The following MYO16 variants were observed in gnomAD, a reference collection of about 807,000 sequenced individuals.
The protein encoded by MYO16 is myosin XVI.
In MYO16, 94 loss-of-function variants were observed where a neutral mutation model predicts 205.3. That is an observed-to-expected ratio of 0.46 (90% CI 0.39 to 0.54). The LOEUF (loss-of-function observed/expected upper bound fraction) is 0.54. MYO16 is among the 20% of genes least tolerant of loss of function. The pLI, the probability that MYO16 is intolerant of heterozygous loss-of-function variation, is 0.00. For missense variants in MYO16, 2,315 were observed against 2,387.5 expected, an observed-to-expected ratio of 0.97 and a Z score of 0.63; for synonymous variants, 988 against 954.0, an observed-to-expected ratio of 1.04 and a Z score of -0.66.
At chr13:108,983,395 A>T (rs190208524) in intron 20 of MYO16, among the ~76,000 whole-genome samples, 2 of 152,316 alleles carry the variant, frequency 1.3e-5, no homozygotes, top group African/African-American at 4.8e-5. Flanking sequence ...CGTGAAACAA[A>T]TTTTAAAATT....
At chr13:109,075,913 G>T (rs1361562499) in intron 27 of MYO16, among the ~76,000 whole-genome samples, 1 of 152,140 alleles carries the variant, frequency 6.6e-6, no homozygotes, top group Non-Finnish European at 1.5e-5. Flanking sequence ...CTGTTTGATA[G>T]AATTTATCAG....
intron 6 of MYO16, 64 bp downstream of exon 6, chr13:108,793,704 T>G: frequency 6.9e-7 from 1 of 1,458,880 alleles, no homozygotes; most frequent in Non-Finnish European, 9.3e-7. Flanking sequence ...CTATAAAACA[T>G]AGAATTCATT....
At chr13:108,778,137 A>G (rs1455194737) in intron 4 of MYO16, among the ~76,000 whole-genome samples, 2 of 152,254 alleles carry the variant, frequency 1.3e-5, no homozygotes, top group Admixed American at 1.3e-4. Flanking sequence ...CACTCTAGGC[A>G]TGAATCTAGC....
chr13:108,914,478 T>G (rs1232000505), intron 16 of MYO16, among the ~76,000 whole-genome samples: 1 of 152,110 alleles, frequency 6.6e-6, no homozygotes, highest in Non-Finnish European at 1.5e-5. Flanking sequence ...CTACAAAACT[T>G]ACAAGCCTTC....
chr13:108,538,571 G>T, the MYO16 span, among the ~76,000 whole-genome samples: 1 of 151,990 alleles, frequency 6.6e-6, no homozygotes, highest in East Asian at 1.9e-4. Context: ...GCTCTGAATG[G>T]AATGAAAGTC....
intron 12 of MYO16, among the ~76,000 whole-genome samples, chr13:108,877,759 C>T (rs993026641): frequency 6.6e-6 from 1 of 152,192 alleles, no homozygotes; most frequent in Admixed American, 6.5e-5. Context: ...ATTACATGCA[C>T]AGCTTATACA....
intron 4 of MYO16, among the ~76,000 whole-genome samples, chr13:108,753,387 A>C (rs1455811732): frequency 3.1e-5 from 4 of 130,910 alleles, no homozygotes; most frequent in Admixed American, 1.5e-4. Flanking sequence ...AAAAAAAAAA[A>C]AAAAAAAACA....
intron 1 of MYO16, among the ~76,000 whole-genome samples, chr13:108,621,954 G>A (rs949458764): frequency 2.0e-5 from 3 of 151,498 alleles, no homozygotes; most frequent in African/African-American, 7.3e-5. Context: ...CATAGGAATA[G>A]TATAGAAATG....
intron 14 of MYO16, among the ~76,000 whole-genome samples, chr13:108,895,110 T>C (rs1880350322): frequency 6.6e-6 from 1 of 152,162 alleles, no homozygotes; most frequent in Non-Finnish European, 1.5e-5. Context: ...GCCACAAGTC[T>C]TTACTTTCAG....
chr13:108,600,129 T>C (rs1326492003), intron 1 of MYO16, among the ~76,000 whole-genome samples: 2 of 152,192 alleles, frequency 1.3e-5, no homozygotes, highest in Non-Finnish European at 2.9e-5. Context: ...TTACATTTTC[T>C]TGGACTCTGA....
the MYO16 span, among the ~76,000 whole-genome samples, chr13:108,532,718 G>A: frequency 6.6e-6 from 1 of 151,992 alleles, no homozygotes; most frequent in Non-Finnish European, 1.5e-5. Flanking sequence ...TTAAACCTGG[G>A]AGGTCGAGAC....
intron 2 of MYO16, among the ~76,000 whole-genome samples, chr13:108,687,313 T>A (rs1420218345): frequency 6.6e-6 from 1 of 152,200 alleles, no homozygotes; most frequent in Non-Finnish European, 1.5e-5. Flanking sequence ...GATAAGCCCC[T>A]GGTTCTGGCC....
chr13:108,631,800 G>A (rs142608696), intron 1 of MYO16, among the ~76,000 whole-genome samples: 196 of 152,254 alleles, frequency 1.3e-3, no homozygotes, highest in Non-Finnish European at 2.1e-3. Flanking sequence ...GAAGAAGGCC[G>A]GGCGTGATGG....
chr13:108,739,965 G>A (rs1390739706), intron 4 of MYO16, among the ~76,000 whole-genome samples: 9 of 152,104 alleles, frequency 5.9e-5, no homozygotes, highest in Non-Finnish European at 4.4e-5. Flanking sequence ...CGTGGTTCTC[G>A]TGCCATGGTT....
At chr13:109,135,896 T>C (rs1876752965) in intron 31 of MYO16, among the ~76,000 whole-genome samples, 1 of 152,198 alleles carries the variant, frequency 6.6e-6, no homozygotes, top group Non-Finnish European at 1.5e-5. Flanking sequence ...ACCTGTGGTT[T>C]TGCTTCCTTG....
rs538688342 is a variant in MYO16, at chr13:108,904,909, G to A, written c.1778-5094G>A. Among the ~76,000 whole-genome samples, 11 of 152,202 alleles carry A rather than the reference G, an allele frequency of 7.2e-5. No homozygotes were observed. The East Asian group carries it at 7.7e-4, about 11-fold the overall frequency. On this transcript the variant is annotated intron_variant, in intron 15 of 34. Transcript: ENST00000457511. Reference sequence around the variant, plus strand: ...AGTTTTCATTCACTTTAGAGTGTACGCAGTTTTTTATATAGTACACAAAAC... The same window carrying A: ...AGTTTTCATTCACTTTAGAGTGTACACAGTTTTTTATATAGTACACAAAAC...
At chr13:108,992,826 A>G (rs537208757) in intron 21 of MYO16, among the ~76,000 whole-genome samples, 127 of 152,336 alleles carry the variant, frequency 8.3e-4, no homozygotes, top group African/African-American at 3.0e-3. Flanking sequence ...GTTATGCTAC[A>G]TGCTGTTATT....
At chr13:109,185,795 A>C (rs1879661755) in intron 34 of MYO16, among the ~76,000 whole-genome samples, 1 of 152,200 alleles carries the variant, frequency 6.6e-6, no homozygotes, top group Non-Finnish European at 1.5e-5. Flanking sequence ...CCCTTCATCC[A>C]TGTTTGCACC....
At chr13:109,149,378 A>G (rs566372812) in intron 32 of MYO16, among the ~76,000 whole-genome samples, 9 of 152,234 alleles carry the variant, frequency 5.9e-5, no homozygotes, top group African/African-American at 2.2e-4. Context: ...AGCAGGTGTT[A>G]CCATCCCTAT....
Sources: gnomAD v4.1 joint callset for allele counts (sites outside exome capture counted in the v4.1 genomes callset) on GRCh38, gnomAD v4.1.1 for gene constraint, MANE v1.5 for transcripts, NCBI Gene and HGNC (gene_info 2026-07-23, HGNC 2026-07-21) for gene names.